CDC14A: variants seen among roughly 807,000 people sequenced by gnomAD.
The protein encoded by CDC14A is cell division cycle 14A, also known as dual specificity protein phosphatase CDC14A.
Under a neutral mutation model 74.4 loss-of-function variants are expected in CDC14A, and 53 were observed. That is an observed-to-expected ratio of 0.71 (90% confidence interval 0.57 to 0.89). CDC14A has a LOEUF of 0.89. CDC14A is among the 40% of genes least tolerant of loss of function. The probability of loss-of-function intolerance (pLI) is 0.00; values close to 1 mark genes in which losing one functional copy is unlikely to be tolerated. For synonymous variants in CDC14A, 247 were observed against 258.4 expected (o/e 0.96, Z 0.43); for missense variants, 646 against 713.7 (o/e 0.91, Z 1.08).
chr1:100,505,397 C>T (rs1267264648), intron 15 of CDC14A, among the ~76,000 whole-genome samples: 2 of 152,294 alleles, frequency 1.3e-5, no homozygotes, highest in African/African-American at 4.8e-5. Context: ...CTTCTGTGTT[C>T]TAACATCAGG....
chr1:100,511,386 C>A (rs1478991364), intron 15 of CDC14A, among the ~76,000 whole-genome samples: 1 of 152,198 alleles, frequency 6.6e-6, no homozygotes, highest in Non-Finnish European at 1.5e-5. Context: ...GTCTCTCCCG[C>A]AGATTACTGC....
Position 100,377,606 on chromosome 1 carries a change from A to C in CDC14A, c.201A>C (p.Leu67=), listed in dbSNP as rs1413059396. ...LAMVYRYCCK[L]NKKLKSYSLS... ...TGGTGTACAGATATTGCTGCAAACT[A>C]AACAAGAAACTAAAAGTGAGTATTG... Residue 67 remains leucine (L), a synonymous_variant, in exon 3 of 16, where the codon CTA becomes CTC. Coordinates refer to ENST00000336454, the MANE Select transcript of CDC14A (RefSeq NM_003672.4). 1 of 1,611,424 alleles carries C rather than the reference A, an allele frequency of 6.2e-7. No homozygotes were observed. Among genetic ancestry groups the C allele is most frequent in the Non-Finnish European group, 8.5e-7 (1 of 1,177,814 alleles).
chr1:100,459,086 A>AACACACACACACAC (rs751247467), intron 8 of CDC14A, among the ~76,000 whole-genome samples: 2,281 of 127,572 alleles, frequency 0.018, 37 homozygotes, highest in African/African-American at 0.039. Context: ...CTTCTATTTA[A>AACACACACACACAC]ACACACACAC....
intron 7 of CDC14A, 24 bp downstream of exon 7, chr1:100,443,020 C>A: frequency 4.8e-6 from 7 of 1,454,648 alleles, no homozygotes; most frequent in Non-Finnish European, 6.7e-6. Flanking sequence ...ATTTTTTTTA[C>A]AAAACATAAT....
intron 10 of CDC14A, among the ~76,000 whole-genome samples, chr1:100,478,690 ATC>A (rs1190324058): frequency 2.6e-5 from 4 of 152,220 alleles, no homozygotes; most frequent in African/African-American, 9.6e-5. Flanking sequence ...GAATGAGGTT[ATC>A]TTTATGAAGC....
At chr1:100,412,738 T>TATATATATA (rs1491428571) in intron 4 of CDC14A, among the ~76,000 whole-genome samples, 1 of 97,412 alleles carries the variant, frequency 1.0e-5, no homozygotes, top group African/African-American at 6.8e-5. Flanking sequence ...TATATATATA[T>TATATATATA]TTTATATATA....
chr1:100,355,930 G>A (rs1651817598), intron 2 of CDC14A, among the ~76,000 whole-genome samples: 1 of 152,224 alleles, frequency 6.6e-6, no homozygotes, highest in Non-Finnish European at 1.5e-5. Flanking sequence ...GGCACATCTG[G>A]TGGAAGCGTT....
intron 2 of CDC14A, among the ~76,000 whole-genome samples, chr1:100,371,270 C>T (rs1654434099): frequency 6.6e-6 from 1 of 152,098 alleles, no homozygotes; most frequent in Non-Finnish European, 1.5e-5. Context: ...GACTTATTTT[C>T]CTATTTGAGT....
intron 3 of CDC14A, among the ~76,000 whole-genome samples, chr1:100,388,295 G>C (rs893126188): frequency 1.3e-5 from 2 of 152,068 alleles, no homozygotes; most frequent in African/African-American, 2.4e-5. Context: ...TTATTGATGG[G>C]GAACAAATAA....
At chr1:100,410,231 A>T (rs902935150) in intron 4 of CDC14A, among the ~76,000 whole-genome samples, 1 of 152,116 alleles carries the variant, frequency 6.6e-6, no homozygotes, top group Non-Finnish European at 1.5e-5. Context: ...AAGAAAAAAA[A>T]ATTTTTATTT....
At chr1:100,382,079 T>C (rs1285434472) in intron 3 of CDC14A, among the ~76,000 whole-genome samples, 1 of 152,118 alleles carries the variant, frequency 6.6e-6, no homozygotes, top group Non-Finnish European at 1.5e-5. Context: ...CATGGCTTTT[T>C]TTCAGGTTCT....
At chr1:100,386,242 G>A (rs1034717152) in intron 3 of CDC14A, among the ~76,000 whole-genome samples, 3 of 152,130 alleles carry the variant, frequency 2.0e-5, no homozygotes, top group East Asian at 3.8e-4. Flanking sequence ...GTGGCTGGCT[G>A]CAGATTGTGA....
intron 9 of CDC14A, 120 bp from the exon 10 acceptor site, chr1:100,467,836 C>A: frequency 1.1e-6 from 1 of 938,670 alleles, no homozygotes; most frequent in Non-Finnish European, 1.6e-6. Flanking sequence ...TGTTTATTAG[C>A]TGTTGATAAT....
At chr1:100,393,494 C>A in intron 4 of CDC14A, 1 of 768,240 alleles carries the variant, frequency 1.3e-6, no homozygotes, top group South Asian at 1.3e-5. Context: ...CAGCCAGTCT[C>A]TCAAATTCAT....
intron 3 of CDC14A, among the ~76,000 whole-genome samples, chr1:100,384,888 T>C (rs910183156): frequency 2.0e-4 from 31 of 152,202 alleles, no homozygotes; most frequent in African/African-American, 7.0e-4. Flanking sequence ...GCTTTTCTTA[T>C]TTACCAGCTG....
intron 9 of CDC14A, among the ~76,000 whole-genome samples, chr1:100,467,354 T>A (rs1051973481): frequency 1.3e-5 from 2 of 152,150 alleles, no homozygotes; most frequent in African/African-American, 4.8e-5. Context: ...CTTGAACATG[T>A]AAAAAATGAA....
In CDC14A at chr1:100,455,442, G is replaced by A. The variant is rs1666586311; in HGVS notation, c.557G>A (p.Gly186Glu). 6.2e-7 allele frequency: 1 copy of A among 1,603,036 alleles called. No homozygotes were observed. The highest frequency in any genetic ancestry group is 1.2e-5 in the South Asian group (1 of 86,848). The change falls in exon 8 of 16, where the codon GGA becomes GAA. Residue 186 changes from glycine to glutamate, a missense_variant. Transcript: ENST00000336454. The stretch of plus-strand genomic sequence containing the variant: ...GGTGACTTCAACTGGATTGTTCCAG[G>A]AAAATTTTTAGCATTTAGTGGACCA... ...ENGDFNWIVP[G>E]KFLAFSGPHP...
At chr1:100,427,065 C>T (rs943253235) in intron 5 of CDC14A, among the ~76,000 whole-genome samples, 6 of 152,158 alleles carry the variant, frequency 3.9e-5, no homozygotes, top group Admixed American at 3.3e-4. Context: ...GAATCATCCT[C>T]ATACTAAATT....
intron 4 of CDC14A, among the ~76,000 whole-genome samples, chr1:100,405,059 TG>T (rs1184822284): frequency 1.3e-5 from 2 of 152,062 alleles, no homozygotes; most frequent in African/African-American, 4.8e-5. Flanking sequence ...CTTTCAAGAG[TG>T]GGTGTACGAG....
Sources: allele counts gnomAD v4.1 joint callset (sites outside exome capture counted in the v4.1 genomes callset), GRCh38; gene constraint gnomAD v4.1.1; transcripts MANE v1.5; gene names NCBI Gene and HGNC (gene_info 2026-07-23, HGNC 2026-07-21).